The following ZNF385D variants were observed in gnomAD, a reference collection of about 807,000 sequenced individuals.
The protein encoded by ZNF385D is zinc finger protein 385D, also known as zinc finger protein 659.
Under a neutral mutation model 35.8 loss-of-function variants are expected in ZNF385D, and 15 were observed. That is an observed-to-expected ratio of 0.42 (90% confidence interval 0.28 to 0.64). The LOEUF (loss-of-function observed/expected upper bound fraction) is 0.64, where lower values mean the gene tolerates loss of function less well. Among genes scored for constraint, ZNF385D ranks in the 30% least tolerant of loss-of-function variants. The pLI is 0.23. For missense variants in ZNF385D, 474 were observed against 494.6 expected (o/e 0.96, Z 0.39); for synonymous variants, 212 against 186.8 (o/e 1.13, Z -1.10).
At chr3:22,297,147 C>T (rs751621094) in intron 2 of ZNF385D, among the ~76,000 whole-genome samples, 2 of 152,188 alleles carry the variant, frequency 1.3e-5, no homozygotes, top group East Asian at 1.9e-4. Flanking sequence ...ACCTAAAGGT[C>T]GCACTAGAAT....
chr3:21,779,516 AT>A lies in ZNF385D; in HGVS notation c.326-114489del, dbSNP rs1208498628. ...TGGATGTAATAAAAAGGCAATTCAA[AT>A]ATCTATCATAATTAGTGACTTCAGC... On this transcript the variant is annotated intron_variant, in intron 3 of 5. Transcript: ENST00000494108. Among the ~76,000 whole-genome samples, 3 of 152,030 alleles carry A rather than the reference AT, an allele frequency of 2.0e-5. No homozygotes were observed. The South Asian group carries it at 6.2e-4, about 31-fold the overall frequency.
At chr3:21,666,520 G>A (rs752601634) in intron 1 of ZNF385D, among the ~76,000 whole-genome samples, 1 of 152,092 alleles carries the variant, frequency 6.6e-6, no homozygotes, top group Non-Finnish European at 1.5e-5. Context: ...GTAGTACAAG[G>A]CAGTAAATAA....
At chr3:21,964,433 GAAAAAAA>G (rs10558356) in intron 3 of ZNF385D, among the ~76,000 whole-genome samples, 1 of 94,472 alleles carries the variant, frequency 1.1e-5, no homozygotes. Flanking sequence ...AAAAAAAAAA[GAAAAAAA>G]AAAAAAGAAA....
chr3:21,885,734 CTGTGTCTGTGTGTGTGTGTGTGTGTGTG>C lies in ZNF385D; in HGVS notation c.326-220734_326-220707del, dbSNP rs1249260806. ...TCCATGGAAATAGAACAGGGTGTGT[CTGTGTCTGTGTGTGTGTGTGTGTGTGTG>C]TGTGTGTGTGTGTGTAGAAAGAAAG... is the stretch of plus-strand genomic sequence containing the variant. On this transcript the variant is annotated intron_variant, in intron 3 of 5. Coordinates refer to the ZNF385D transcript ENST00000494108. Among the ~76,000 whole-genome samples, 1,121 of 131,932 alleles carry C rather than the reference CTGTGTCTGTGTGTGTGTGTGTGTGTGTG, an allele frequency of 8.5e-3. 12 individuals are homozygous for C. Among genetic ancestry groups the C allele is most frequent in the African/African-American group, 0.029 (1,049 of 36,522 alleles). The allele number at this position is 131,932 out of a possible 152,430, so 86.6% of individuals were successfully genotyped here.
chr3:21,685,745 G>A (rs1287385989), intron 1 of ZNF385D, among the ~76,000 whole-genome samples: 3 of 152,144 alleles, frequency 2.0e-5, no homozygotes, highest in Non-Finnish European at 4.4e-5. Context: ...CCAGAATTCT[G>A]AAAAATCTTT....
At chr3:22,289,882 T>C (rs969406063) in intron 2 of ZNF385D, among the ~76,000 whole-genome samples, 3 of 152,092 alleles carry the variant, frequency 2.0e-5, no homozygotes, top group African/African-American at 7.2e-5. Context: ...AGGTCTATAG[T>C]ATGTCAGCTC....
intron 1 of ZNF385D, among the ~76,000 whole-genome samples, chr3:21,679,460 T>TC (rs1164842420): frequency 6.6e-6 from 1 of 152,064 alleles, no homozygotes. Flanking sequence ...TCATCTTAAT[T>TC]TTTTTCTATG....
chr3:22,365,338 G>C (rs1438438689), intron 2 of ZNF385D, among the ~76,000 whole-genome samples: 1 of 151,650 alleles, frequency 6.6e-6, no homozygotes, highest in African/African-American at 2.4e-5. Flanking sequence ...TAATATCTAA[G>C]AAAAAAAATT....
At chr3:22,168,364 C>T (rs1242227972) in intron 3 of ZNF385D, 1 of 152,122 alleles carries the variant, frequency 6.6e-6, no homozygotes, top group East Asian at 1.9e-4. Context: ...AAAGTCTGTA[C>T]TAACAGATCA....
At chr3:22,300,489 CAG>C (rs1702841330) in intron 2 of ZNF385D, among the ~76,000 whole-genome samples, 1 of 151,270 alleles carries the variant, frequency 6.6e-6, no homozygotes, top group African/African-American at 2.4e-5. Flanking sequence ...GAACAATCAA[CAG>C]AGAAGAGACA....
intron 4 of ZNF385D, among the ~76,000 whole-genome samples, chr3:21,475,941 G>T (rs1237064125): frequency 6.6e-6 from 1 of 151,506 alleles, no homozygotes; most frequent in African/African-American, 2.4e-5. Flanking sequence ...TAGCTTTTGT[G>T]TATCTCTATG....
intron 3 of ZNF385D, among the ~76,000 whole-genome samples, chr3:22,056,919 G>C (rs1019027572): frequency 6.6e-6 from 1 of 152,214 alleles, no homozygotes; most frequent in Non-Finnish European, 1.5e-5. Flanking sequence ...CAATCATAAA[G>C]TCTCTAATCA....
At chr3:21,997,696 T>G (rs1695556574) in intron 3 of ZNF385D, among the ~76,000 whole-genome samples, 1 of 152,136 alleles carries the variant, frequency 6.6e-6, no homozygotes, top group African/African-American at 2.4e-5. Context: ...TCAGATTTTG[T>G]TAACTTTAGA....
At chr3:22,092,433 G>A (rs1471370384) in intron 3 of ZNF385D, among the ~76,000 whole-genome samples, 1 of 152,110 alleles carries the variant, frequency 6.6e-6, no homozygotes, top group Non-Finnish European at 1.5e-5. Context: ...AACCCCATCA[G>A]TTGCCTTCAT....
intron 3 of ZNF385D, among the ~76,000 whole-genome samples, chr3:21,857,554 C>T (rs1162553565): frequency 1.3e-5 from 2 of 151,778 alleles, no homozygotes; most frequent in Admixed American, 1.3e-4. Flanking sequence ...AATTCTGAGG[C>T]CCAAAGAGGA....
chr3:21,783,886 A>G (rs2071585654), intron 3 of ZNF385D, among the ~76,000 whole-genome samples: 1 of 152,212 alleles, frequency 6.6e-6, no homozygotes, highest in African/African-American at 2.4e-5. Flanking sequence ...TTCCTAAAAT[A>G]TCTTGATCGA....
At chr3:21,913,181 G>C (rs1442490675) in intron 3 of ZNF385D, among the ~76,000 whole-genome samples, 1 of 152,000 alleles carries the variant, frequency 6.6e-6, no homozygotes, top group Non-Finnish European at 1.5e-5. Flanking sequence ...GAATCCTTGA[G>C]GTCACTAGGT....
chr3:22,030,721 C>A (rs558742230), intron 3 of ZNF385D, among the ~76,000 whole-genome samples: 1 of 152,110 alleles, frequency 6.6e-6, no homozygotes, highest in Non-Finnish European at 1.5e-5. Flanking sequence ...AATCTCATGT[C>A]TTTTTCACAT....
intron 3 of ZNF385D, among the ~76,000 whole-genome samples, chr3:21,954,299 G>T (rs578213932): frequency 7.2e-4 from 109 of 152,084 alleles, no homozygotes; most frequent in African/African-American, 2.5e-3. Context: ...CACAGCAGAT[G>T]AAATTTGTCT....
Sources: allele counts gnomAD v4.1 joint callset (sites outside exome capture counted in the v4.1 genomes callset), GRCh38; gene constraint gnomAD v4.1.1; transcripts MANE v1.5; gene names NCBI Gene and HGNC (gene_info 2026-07-23, HGNC 2026-07-21).